Variants in DRP2 observed in about 807,000 individuals in gnomAD.
DRP2 encodes the protein dystrophin related protein 2.
In DRP2, 29 loss-of-function variants were observed where a neutral mutation model predicts 78.2. The ratio of observed to expected loss-of-function variants is 0.37; its 90% CI spans 0.28 to 0.51. DRP2 has a LOEUF of 0.51. Among genes scored for constraint, DRP2 ranks in the 20% least tolerant of loss-of-function variants. DRP2 has a pLI of 0.94. For missense variants in DRP2, 686 were observed against 770.6 expected (o/e 0.89, Z 1.30); for synonymous variants, 290 against 281.9 (o/e 1.03, Z -0.29).
chrX:101,226,890 G>C (rs1283576193), intron 2 of DRP2, among the ~76,000 whole-genome samples: 1 of 111,846 alleles, frequency 8.9e-6, no homozygotes, highest in African/African-American at 3.2e-5. Context: ...CTGAAACTGA[G>C]TAATTTATAA....
At chrX:101,227,901 G>T (rs1440318214) in intron 2 of DRP2, among the ~76,000 whole-genome samples, 2 of 112,108 alleles carry the variant, frequency 1.8e-5, no homozygotes, top group Non-Finnish European at 1.9e-5. Context: ...TTATAATCTG[G>T]AGAGAAATGA....
At chrX:101,260,262 T>G in intron 23 of DRP2, 93 bp downstream of exon 23, 1 of 1,123,149 alleles carries the variant, frequency 8.9e-7, no homozygotes, top group African/African-American at 1.8e-5. Context: ...GGGACTGGTT[T>G]CTCCTCTTGG....
intron 11 of DRP2, among the ~76,000 whole-genome samples, 157 bp from the exon 12 acceptor site, chrX:101,246,933 A>G (rs1189945395): frequency 8.9e-6 from 1 of 111,843 alleles, no homozygotes; most frequent in Non-Finnish European, 1.9e-5. Flanking sequence ...GTCAGTTCAC[A>G]CTTTCACTGG....
intron 17 of DRP2, among the ~76,000 whole-genome samples, chrX:101,253,540 CTTTTTTTTTTT>C (rs138161868): frequency 1.9e-5 from 1 of 53,562 alleles, no homozygotes; most frequent in South Asian, 9.4e-4. Flanking sequence ...TTACTTTCAC[CTTTTTTTTTTT>C]TTTTTTTTTT....
At chrX:101,228,302 G>A (rs943029454) in intron 2 of DRP2, among the ~76,000 whole-genome samples, 3 of 112,658 alleles carry the variant, frequency 2.7e-5, no homozygotes, top group Admixed American at 9.4e-5. Flanking sequence ...ATGTCTAATT[G>A]TTAAACTATG....
At chrX:101,254,158 G>A (rs1247909481) in intron 17 of DRP2, among the ~76,000 whole-genome samples, 1 of 93,021 alleles carries the variant, frequency 1.1e-5, no homozygotes, top group African/African-American at 4.2e-5. Flanking sequence ...GCTTTTAGAG[G>A]AACTGAGACA....
intron 1 of DRP2, among the ~76,000 whole-genome samples, chrX:101,223,527 G>C (rs917199219): frequency 9.0e-6 from 1 of 111,689 alleles, no homozygotes; most frequent in Non-Finnish European, 1.9e-5. Flanking sequence ...AATTTCTACT[G>C]GGTAAATATC....
At chrX:101,259,486 TTTAA>T (rs1207645244) in intron 22 of DRP2, among the ~76,000 whole-genome samples, 7 of 110,973 alleles carry the variant, frequency 6.3e-5, no homozygotes, top group African/African-American at 2.0e-4. Flanking sequence ...CCATTCTTTA[TTTAA>T]TTAATTAATT....
intron 3 of DRP2, among the ~76,000 whole-genome samples, chrX:101,234,021 A>G (rs1240058474): frequency 9.0e-6 from 1 of 111,329 alleles, no homozygotes; most frequent in East Asian, 2.8e-4. Flanking sequence ...GGATAATCAC[A>G]TTTAGAGGGA....
At chrX:101,244,162 T>C (rs769753059) in intron 9 of DRP2, among the ~76,000 whole-genome samples, 3 of 110,950 alleles carry the variant, frequency 2.7e-5, no homozygotes, top group Non-Finnish European at 3.8e-5. Context: ...AGTCAGGGTG[T>C]TGAGAAGAGA....
At chrX:101,236,085 C>T in intron 4 of DRP2, 62 bp downstream of exon 4, 12 of 1,135,281 alleles carry the variant, frequency 1.1e-5, no homozygotes, top group East Asian at 3.0e-5. Flanking sequence ...TGCTGCTGCA[C>T]CCTGTCCTTC....
Position 101,233,111 on chromosome X carries a change from GGT to G in DRP2, c.117+1351_117+1352del, listed in dbSNP as rs771037849. ...GCCTATTGTGTGCCTGGCTCTGCTA[GGT>G]GTGACTTGAGAGTATACCGGGAAGT... is the stretch of plus-strand genomic sequence containing the variant. On this transcript the variant is annotated intron_variant, in intron 3 of 23. Coordinates refer to ENST00000395209, the MANE Select transcript of DRP2 (RefSeq NM_001939.3). Among the ~76,000 whole-genome samples, 5 of 112,038 alleles carry G rather than the reference GGT, an allele frequency of 4.5e-5. No homozygotes were observed. In the East Asian group the frequency reaches 1.4e-3, roughly 31 times the overall value.
intron 1 of DRP2, among the ~76,000 whole-genome samples, chrX:101,222,941 C>T (rs934588699): frequency 8.9e-6 from 1 of 112,288 alleles, no homozygotes; most frequent in African/African-American, 3.2e-5. Context: ...ACAACATATA[C>T]TACTGCTTTA....
At chrX:101,234,042 C>T (rs57867015) in intron 3 of DRP2, among the ~76,000 whole-genome samples, 1,721 of 111,796 alleles carry the variant, frequency 0.015, 43 homozygotes, top group African/African-American at 0.053. Context: ...TTCTGCTGCG[C>T]CTGCTTGCCG....
rs1484164410 is a variant in DRP2 at position 101,248,389 on chromosome X, C to T, written c.1454+99C>T. 5 of 1,104,982 alleles carry T rather than the reference C, an allele frequency of 4.5e-6. No individual in the cohort carries two copies. The African/African-American group carries it at 7.5e-5, about 16-fold the overall frequency. The allele number at this position is 1,104,982 out of a possible 1,213,427, so 91.1% of individuals were successfully genotyped here. Reference sequence around the variant, plus strand: ...TGTTGCTCCCATAGTAGACTTGGACCCAGCTCAGCTTGGGGCATGGTTGGA... The same window carrying T: ...TGTTGCTCCCATAGTAGACTTGGACTCAGCTCAGCTTGGGGCATGGTTGGA... On this transcript the variant is annotated intron_variant, in intron 13 of 23. Transcript: ENST00000395209.
Position 101,231,692 on chromosome X carries a change from A to G in DRP2, c.45A>G (p.Arg15=), listed in dbSNP as rs907028551. Residue 15 remains arginine (R), a synonymous_variant, in exon 3 of 24, where the codon CGA becomes CGG. Transcript: ENST00000395209. Reference sequence around the variant, plus strand: ...AGGGATGCCCTTACACCCTCCCACGATGTCATGACTGGCAGGCAGCTGACC... The same window carrying G: ...AGGGATGCCCTTACACCCTCCCACGGTGTCATGACTGGCAGGCAGCTGACC... ...VMQGCPYTLP[R]CHDWQAADQF... 8.3e-7 allele frequency: 1 copy of G among 1,211,330 alleles called. No homozygotes were observed. Among genetic ancestry groups the G allele is most frequent in the Non-Finnish European group, 1.1e-6 (1 of 895,382 alleles).
chrX:101,233,594 C>T (rs765757486), intron 3 of DRP2, among the ~76,000 whole-genome samples: 6 of 112,232 alleles, frequency 5.3e-5, no homozygotes, highest in Non-Finnish European at 9.4e-5. Context: ...TGTGTTTTCC[C>T]TCAGTGCTGA....
chrX:101,250,130 C>T (rs1478387698), intron 14 of DRP2, among the ~76,000 whole-genome samples: 1 of 110,784 alleles, frequency 9.0e-6, no homozygotes, highest in Non-Finnish European at 1.9e-5. Context: ...ACACAGTGCA[C>T]TCGACCTCTC....
chrX:101,227,947 G>A (rs1326668699), intron 2 of DRP2, among the ~76,000 whole-genome samples: 4 of 112,139 alleles, frequency 3.6e-5, no homozygotes, highest in Non-Finnish European at 7.5e-5. Context: ...GTTGATGAAA[G>A]AAGAGATACA....
Sources: gnomAD v4.1 joint callset for allele counts (sites outside exome capture counted in the v4.1 genomes callset) on GRCh38, gnomAD v4.1.1 for gene constraint, MANE v1.5 for transcripts, NCBI Gene and HGNC (gene_info 2026-07-23, HGNC 2026-07-21) for gene names.